The following ROBO2 variants were observed in gnomAD, a reference collection of about 807,000 sequenced individuals.
The protein encoded by ROBO2 is roundabout homolog 2.
A neutral mutation model predicts 160.8 loss-of-function variants in ROBO2; 53 were observed. That is an observed-to-expected ratio of 0.33 (90% confidence interval 0.26 to 0.41). The LOEUF (loss-of-function observed/expected upper bound fraction) is 0.41. Among genes scored for constraint, ROBO2 ranks in the 10% least tolerant of loss-of-function variants. The probability of loss-of-function intolerance (pLI) is 1.00; values close to 1 mark genes in which losing one functional copy is unlikely to be tolerated. For synonymous variants in ROBO2, 664 were observed against 611.7 expected (o/e 1.09, Z -1.26); for missense variants, 1,577 against 1,722.4 (o/e 0.92, Z 1.49).
At chr3:75,914,114 C>T (rs1464390500) in intron 1 of ROBO2, among the ~76,000 whole-genome samples, 2 of 152,118 alleles carry the variant, frequency 1.3e-5, no homozygotes, top group Non-Finnish European at 2.9e-5. Flanking sequence ...GTTTTTCCTT[C>T]ATTTTTCTTA....
At chr3:75,906,953 G>A (rs1221705894) in exon 1 of ROBO2, 2 of 152,394 alleles carry the variant, frequency 1.3e-5, no homozygotes, top group African/African-American at 2.4e-5. Flanking sequence ...GTCTAAACCT[G>A]ACTCCAGGTG....
intron 6 of ROBO2, chr3:77,538,932 A>G: frequency 4.4e-6 from 2 of 456,032 alleles, no homozygotes; most frequent in Non-Finnish European, 8.8e-6. Context: ...TCTTCTTTTT[A>G]GAGACGGAGG....
intron 2 of ROBO2, among the ~76,000 whole-genome samples, chr3:77,390,295 G>A (rs1268479527): frequency 1.3e-5 from 2 of 151,994 alleles, no homozygotes; most frequent in East Asian, 1.9e-4. Flanking sequence ...CAAGTACTCT[G>A]GTGTTTTTCT....
intron 2 of ROBO2, among the ~76,000 whole-genome samples, chr3:76,184,402 C>G (rs1296579916): frequency 6.6e-6 from 1 of 152,064 alleles, no homozygotes; most frequent in Non-Finnish European, 1.5e-5. Flanking sequence ...GGCATATCAG[C>G]ACAAAGCAAG....
intron 2 of ROBO2, among the ~76,000 whole-genome samples, chr3:76,057,685 G>A (rs765973691): frequency 6.6e-6 from 1 of 151,932 alleles, no homozygotes; most frequent in Non-Finnish European, 1.5e-5. Flanking sequence ...GATCACTGCC[G>A]CCGACCAACA....
chr3:77,134,435 T>A (rs1027382807), intron 2 of ROBO2, among the ~76,000 whole-genome samples: 10 of 152,212 alleles, frequency 6.6e-5, no homozygotes, highest in Non-Finnish European at 2.9e-5. Context: ...GAGAGCATAA[T>A]AAGAATACCT....
intron 2 of ROBO2, among the ~76,000 whole-genome samples, chr3:76,255,665 A>G (rs866092246): frequency 6.6e-6 from 1 of 152,104 alleles, no homozygotes; most frequent in South Asian, 2.1e-4. Context: ...ATAATGAGAA[A>G]TGGTTTATAG....
At chr3:77,101,748 A>T (rs2071960261) in intron 2 of ROBO2, among the ~76,000 whole-genome samples, 1 of 152,154 alleles carries the variant, frequency 6.6e-6, no homozygotes, top group Admixed American at 6.5e-5. Context: ...TTAAAAAATA[A>T]TAAAATTGGG....
chr3:76,434,471 G>A (rs2076577506), intron 2 of ROBO2: 1 of 1,550,192 alleles, frequency 6.5e-7, no homozygotes, highest in Non-Finnish European at 8.9e-7. Flanking sequence ...AGAAATGAAT[G>A]ATGCTGCCAT....
chr3:76,979,711 C>T (rs2059998699), intron 2 of ROBO2, among the ~76,000 whole-genome samples: 1 of 149,662 alleles, frequency 6.7e-6, no homozygotes, highest in South Asian at 2.1e-4. Flanking sequence ...TAATTTTGTG[C>T]AGAGAAAAGT....
chr3:76,561,395 T>C (rs553073930), intron 2 of ROBO2, among the ~76,000 whole-genome samples: 1 of 152,166 alleles, frequency 6.6e-6, no homozygotes, highest in Non-Finnish European at 1.5e-5. Flanking sequence ...CATCTCAAGT[T>C]TATATAACTT....
chr3:76,687,356 A>G (rs1022199855), intron 2 of ROBO2, among the ~76,000 whole-genome samples: 29 of 152,098 alleles, frequency 1.9e-4, no homozygotes, highest in Non-Finnish European at 4.3e-4. Flanking sequence ...TAATATATAT[A>G]GAGAGAGTAT....
At chr3:76,519,157 C>T (rs1348912180) in intron 2 of ROBO2, among the ~76,000 whole-genome samples, 4 of 152,210 alleles carry the variant, frequency 2.6e-5, no homozygotes, top group East Asian at 3.9e-4. Flanking sequence ...GTTTCCAAAA[C>T]CTTATTACAT....
chr3:77,209,343 G>A (rs924867928), intron 2 of ROBO2, among the ~76,000 whole-genome samples: 1 of 152,126 alleles, frequency 6.6e-6, no homozygotes, highest in Admixed American at 6.6e-5. Context: ...TAATGGATTA[G>A]TGTCACATAA....
At chr3:77,231,087 C>T (rs1240768483) in intron 2 of ROBO2, among the ~76,000 whole-genome samples, 2 of 151,910 alleles carry the variant, frequency 1.3e-5, no homozygotes, top group Admixed American at 6.6e-5. Context: ...CTTCTAGGCC[C>T]ATTGCGGTAG....
At chr3:77,297,086 A>G (rs754739692) in intron 2 of ROBO2, among the ~76,000 whole-genome samples, 1 of 152,026 alleles carries the variant, frequency 6.6e-6, no homozygotes, top group Non-Finnish European at 1.5e-5. Context: ...AATGTATTTT[A>G]AAAATCTACG....
chr3:77,213,015 G>A (rs952533429), intron 2 of ROBO2, among the ~76,000 whole-genome samples: 3 of 152,114 alleles, frequency 2.0e-5, no homozygotes, highest in Non-Finnish European at 4.4e-5. Context: ...ATGTTCATCA[G>A]GGATATTGGT....
At chr3:76,817,002 A>G (rs2065723861) in intron 2 of ROBO2, among the ~76,000 whole-genome samples, 1 of 152,122 alleles carries the variant, frequency 6.6e-6, no homozygotes, top group African/African-American at 2.4e-5. Flanking sequence ...GTTCTCACTC[A>G]TAAGTGGGAG....
At position 76,072,314 on chromosome 3, in the gene ROBO2, G is replaced by A. The variant is rs188678777; in HGVS notation, c.109+134712G>A. Among the ~76,000 whole-genome samples, 1,169 of 152,034 alleles carry A rather than the reference G, an allele frequency of 7.7e-3. 10 individuals carry two copies. The highest frequency in any genetic ancestry group is 0.018 in the South Asian group (87 of 4,814). ...ATTTCCTTTAGGATATAAAGAAATA[G>A]AGATTCAAAACATTGTGTCGAAACT... On this transcript the variant is annotated intron_variant, in intron 2 of 26. Transcript: ENST00000487694.
Sources: gnomAD v4.1 joint callset for allele counts (sites outside exome capture counted in the v4.1 genomes callset) on GRCh38, gnomAD v4.1.1 for gene constraint, MANE v1.5 for transcripts, NCBI Gene and HGNC (gene_info 2026-07-23, HGNC 2026-07-21) for gene names.